Variants in FHOD3 observed in about 807,000 individuals in gnomAD.
The protein encoded by FHOD3 is FH1/FH2 domain-containing protein 3.
A neutral mutation model predicts 173.0 loss-of-function variants in FHOD3; 90 were observed. The ratio of observed to expected loss-of-function variants is 0.52; its 90% CI spans 0.44 to 0.62. The LOEUF is 0.62. Ranked by LOEUF, FHOD3 falls within the 20% of genes least tolerant of loss-of-function variation. The probability of loss-of-function intolerance (pLI) is 0.00; values close to 1 mark genes in which losing one functional copy is unlikely to be tolerated. For missense variants in FHOD3, 1,945 were observed against 2,034.7 expected, an observed-to-expected ratio of 0.96 and a Z score of 0.85; for synonymous variants, 828 against 823.0, an observed-to-expected ratio of 1.01 and a Z score of -0.10.
At chr18:36,501,834 T>A (rs2055047020) in intron 3 of FHOD3, 98 bp from the exon 4 acceptor site, 2 of 839,322 alleles carry the variant, frequency 2.4e-6, no homozygotes, top group African/African-American at 3.5e-5. Context: ...TTTCATTACC[T>A]TTCCAGGGAT....
chr18:36,584,392 T>C (rs77720210), intron 6 of FHOD3, among the ~76,000 whole-genome samples: 3,551 of 152,290 alleles, frequency 0.023, 152 homozygotes, highest in African/African-American at 0.081. Context: ...AGAAGTCCAA[T>C]TGTTAATATT....
chr18:36,678,246 A>T (rs930014599), intron 14 of FHOD3, among the ~76,000 whole-genome samples: 1 of 152,158 alleles, frequency 6.6e-6, no homozygotes. Context: ...TTTCAGCATT[A>T]AGAATGATAC....
chr18:36,703,627 G>A (rs943154697), intron 17 of FHOD3, among the ~76,000 whole-genome samples: 1 of 152,170 alleles, frequency 6.6e-6, no homozygotes, highest in Non-Finnish European at 1.5e-5. Context: ...AGCAGGACCT[G>A]ATGTCCAGTG....
Position 36,602,761 on chromosome 18 carries a change from T to C in FHOD3, c.806T>C (p.Val269Ala). The C allele has an allele frequency of 6.2e-7, 1 of 1,613,726 alleles. No homozygotes were observed. The highest frequency in any genetic ancestry group is 8.5e-7 in the Non-Finnish European group (1 of 1,179,616). The change falls in exon 8 of 29, where the codon GTG becomes GCG. Residue 269 changes from valine (V) to alanine (A), a missense_variant. This residue lies in a region of FHOD3 where 1,099 missense variants were observed against 1,051.2 expected (regional missense o/e 1.05). Transcript: ENST00000590592. ...TELLVYAMTLVNKTLSGLPDQ... is the reference protein window; with the variant it reads ...TELLVYAMTLANKTLSGLPDQ... ...CTACTGGTTTATGCAATGACTTTGG[T>C]GAACAAGGTTGGTTGACTATGTTAT... is the stretch of plus-strand genomic sequence containing the variant.
chr18:36,422,877 T>C (rs138495212), intron 3 of FHOD3, among the ~76,000 whole-genome samples: 230 of 152,126 alleles, frequency 1.5e-3, no homozygotes, highest in Middle Eastern at 6.8e-3. Flanking sequence ...CAGCTGAAAA[T>C]TTTAGTATTT....
rs938789816 is a variant in FHOD3, at chr18:36,667,718, T to G, written c.1835+9530T>G. ...TTGAAAGCATGAACATTACTGTTCATGCCTAGGACATTACTGTACATCACT... is the reference window on the plus strand; with the variant it reads ...TTGAAAGCATGAACATTACTGTTCAGGCCTAGGACATTACTGTACATCACT... On this transcript the variant is annotated intron_variant, in intron 14 of 28. Coordinates refer to ENST00000590592, the MANE Select transcript of FHOD3 (RefSeq NM_001281740.3). Among the ~76,000 whole-genome samples the G allele has an allele frequency of 3.9e-5, 6 of 152,194 alleles. No homozygotes were observed. In the East Asian group the frequency reaches 1.2e-3, roughly 29 times the overall value.
At chr18:36,668,966 G>A (rs2037360677) in intron 14 of FHOD3, among the ~76,000 whole-genome samples, 1 of 151,936 alleles carries the variant, frequency 6.6e-6, no homozygotes, top group African/African-American at 2.4e-5. Flanking sequence ...ATGTTTTGGG[G>A]TAAAATGTTC....
intron 14 of FHOD3, among the ~76,000 whole-genome samples, chr18:36,663,062 C>G (rs544633938): frequency 6.6e-6 from 1 of 152,122 alleles, no homozygotes; most frequent in Non-Finnish European, 1.5e-5. Context: ...CATGTAGAAA[C>G]ATTCAATTTC....
intron 5 of FHOD3, among the ~76,000 whole-genome samples, chr18:36,515,983 G>C (rs1336737200): frequency 6.6e-6 from 1 of 152,220 alleles, no homozygotes; most frequent in Non-Finnish European, 1.5e-5. Flanking sequence ...TACCAGGAAA[G>C]TAACTTCTGA....
chr18:36,640,416 C>A (rs1441340289), intron 10 of FHOD3, among the ~76,000 whole-genome samples: 3 of 152,076 alleles, frequency 2.0e-5, no homozygotes, highest in African/African-American at 7.2e-5. Flanking sequence ...TACCTTGGGC[C>A]CTTGGTGACC....
At chr18:36,412,607 T>G (rs1410897675) in intron 3 of FHOD3, among the ~76,000 whole-genome samples, 5 of 152,234 alleles carry the variant, frequency 3.3e-5, no homozygotes, top group African/African-American at 1.2e-4. Context: ...GATGAACCTC[T>G]TCTTCCCTTA....
intron 3 of FHOD3, among the ~76,000 whole-genome samples, chr18:36,453,665 A>G (rs367704396): frequency 6.6e-6 from 1 of 152,228 alleles, no homozygotes. Flanking sequence ...GGGCTCAGGG[A>G]TGGCTGGAAC....
At chr18:36,603,611 C>A (rs2148501461) in intron 8 of FHOD3, among the ~76,000 whole-genome samples, 1 of 152,140 alleles carries the variant, frequency 6.6e-6, no homozygotes, top group South Asian at 2.1e-4. Context: ...TCAAGAGATC[C>A]TCCTGCCTTA....
At chr18:36,580,265 C>T (rs752194186) in intron 6 of FHOD3, among the ~76,000 whole-genome samples, 2 of 152,160 alleles carry the variant, frequency 1.3e-5, no homozygotes, top group South Asian at 2.1e-4. Context: ...GTGGCACACT[C>T]GCCTCCTCCC....
chr18:36,503,922 C>A (rs993600583), intron 4 of FHOD3, among the ~76,000 whole-genome samples: 3 of 152,104 alleles, frequency 2.0e-5, no homozygotes, highest in African/African-American at 7.2e-5. Context: ...TTGCCCTGGA[C>A]CTGCGACTTA....
At chr18:36,706,376 G>A (rs999042400) in intron 17 of FHOD3, among the ~76,000 whole-genome samples, 3 of 152,092 alleles carry the variant, frequency 2.0e-5, no homozygotes, top group African/African-American at 2.4e-5. Context: ...TGACTTTGCC[G>A]ATTACTACCT....
chr18:36,686,030 G>T (rs373044964), intron 15 of FHOD3, among the ~76,000 whole-genome samples: 4 of 152,022 alleles, frequency 2.6e-5, no homozygotes, highest in East Asian at 1.9e-4. Flanking sequence ...TTGTCACTGT[G>T]GATGACAGTG....
intron 3 of FHOD3, among the ~76,000 whole-genome samples, chr18:36,494,105 A>G (rs1258246882): frequency 1.3e-5 from 2 of 151,932 alleles, no homozygotes; most frequent in Non-Finnish European, 2.9e-5. Context: ...GGGCCCTTCT[A>G]ATTAATGTTC....
intron 2 of FHOD3, among the ~76,000 whole-genome samples, chr18:36,358,196 G>A (rs1004522709): frequency 6.6e-6 from 1 of 152,178 alleles, no homozygotes; most frequent in Non-Finnish European, 1.5e-5. Context: ...GCCATCCCAG[G>A]GGCTTCTGGG....
Sources: allele counts gnomAD v4.1 joint callset (sites outside exome capture counted in the v4.1 genomes callset), GRCh38; gene constraint gnomAD v4.1.1; regional missense constraint gnomAD v4.1.1; transcripts MANE v1.5; gene names NCBI Gene and HGNC (gene_info 2026-07-23, HGNC 2026-07-21).